The following ZNF670 variants were observed in gnomAD, a reference collection of about 807,000 sequenced individuals.
The protein encoded by ZNF670 is zinc finger protein 670.
Under a neutral mutation model 10.9 loss-of-function variants are expected in ZNF670, and 7 were observed. That is an observed-to-expected ratio of 0.64 (90% CI 0.36 to 1.20). The LOEUF is 1.20. Ranked by LOEUF, ZNF670 falls within the 50% of genes most tolerant of loss-of-function variation. The pLI, the probability that ZNF670 is intolerant of heterozygous loss-of-function variation, is 0.02. For synonymous variants in ZNF670, 136 were observed against 152.7 expected (o/e 0.89, Z 0.81); for missense variants, 446 against 458.6 (o/e 0.97, Z 0.25).
chr1:247,060,533 G>C (rs1670833817), intron 1 of ZNF670, among the ~76,000 whole-genome samples: 2 of 152,158 alleles, frequency 1.3e-5, no homozygotes, highest in South Asian at 4.1e-4. Flanking sequence ...AGAAACTGAG[G>C]GTAATCTTTG....
chr1:247,037,077 G>T lies in ZNF670; in HGVS notation c.*372C>A, dbSNP rs1191805998. On this transcript the variant is annotated 3_prime_UTR_variant, in exon 4 of 4. Coordinates refer to ENST00000366503, the MANE Select transcript of ZNF670 (RefSeq NM_033213.5). ...TGAGAAACAAAACACAGCCTATTAA[G>T]CTCATGTACTATGGCTTATAAAGTA... The T allele has an allele frequency of 5.8e-6, 1 of 172,874 alleles. No individual in the cohort carries two copies. Among genetic ancestry groups the T allele is most frequent in the African/African-American group, 2.4e-5 (1 of 42,078 alleles). 10.7% of individuals were successfully genotyped at this position (172,874 alleles called of 1,614,324 possible).
At chr1:247,044,873 AC>A (rs750019800) in intron 1 of ZNF670, among the ~76,000 whole-genome samples, 72 of 152,190 alleles carry the variant, frequency 4.7e-4, no homozygotes, top group Non-Finnish European at 8.7e-4. Flanking sequence ...TATCTATGTG[AC>A]AAAATCATTT....
chr1:247,053,551 G>C (rs1670646713), intron 1 of ZNF670, among the ~76,000 whole-genome samples: 1 of 152,172 alleles, frequency 6.6e-6, no homozygotes, highest in African/African-American at 2.4e-5. Context: ...CAGGAGAATG[G>C]CGTGAACCCG....
chr1:247,058,252 G>A (rs1235798464), intron 1 of ZNF670, among the ~76,000 whole-genome samples: 1 of 152,082 alleles, frequency 6.6e-6, no homozygotes, highest in Non-Finnish European at 1.5e-5. Flanking sequence ...CCAAATAATT[G>A]AAGATTAAAC....
At chr1:247,049,693 A>G (rs1670546713) in intron 1 of ZNF670, among the ~76,000 whole-genome samples, 1 of 152,210 alleles carries the variant, frequency 6.6e-6, no homozygotes, top group South Asian at 2.1e-4. Context: ...CCTTTGCTGT[A>G]TCTCAGAGGT....
intron 1 of ZNF670, among the ~76,000 whole-genome samples, chr1:247,044,600 T>G (rs1214416103): frequency 6.6e-6 from 1 of 152,190 alleles, no homozygotes; most frequent in African/African-American, 2.4e-5. Context: ...AAGTGGTACA[T>G]ATACACCATG....
chr1:247,067,841 C>CA (rs61211824), intron 1 of ZNF670, among the ~76,000 whole-genome samples: 25,887 of 83,562 alleles, frequency 0.31, 7,054 homozygotes, highest in East Asian at 0.86. Flanking sequence ...GACTCCGTCT[C>CA]AAAAAAAAAA....
intron 1 of ZNF670, among the ~76,000 whole-genome samples, chr1:247,057,162 T>G (rs1670739526): frequency 6.6e-6 from 1 of 152,156 alleles, no homozygotes; most frequent in African/African-American, 2.4e-5. Flanking sequence ...AAAAAAATTC[T>G]AATAATCTCA....
At position 247,043,737 on chromosome 1, in the gene ZNF670, C is replaced by T. The variant is rs899090633; in HGVS notation, c.4-4200G>A. The T allele has an allele frequency of 2.1e-5, 9 of 422,394 alleles. No homozygotes were observed. The East Asian group carries it at 2.9e-4, about 13-fold the overall frequency. The allele number at this position is 422,394 out of a possible 1,614,324, so 26.2% of individuals were successfully genotyped here. On this transcript the variant is annotated intron_variant, in intron 1 of 3. Transcript: ENST00000366503. ...ATCATTTACCGCAGAGCCCTTTTAG[C>T]GTTCATCCTAAAACAGGTCGCATTT...
chr1:247,075,159 TAATA>T (rs1243677583), intron 1 of ZNF670, among the ~76,000 whole-genome samples: 1 of 152,228 alleles, frequency 6.6e-6, no homozygotes, highest in Non-Finnish European at 1.5e-5. Flanking sequence ...CCCTATCATA[TAATA>T]AATATGTCAT....
intron 1 of ZNF670, among the ~76,000 whole-genome samples, chr1:247,063,507 C>T (rs1331837832): frequency 6.7e-6 from 1 of 148,922 alleles, no homozygotes; most frequent in Non-Finnish European, 1.5e-5. Context: ...GGCGTGAACC[C>T]AGGAGGCGGA....
intron 1 of ZNF670, among the ~76,000 whole-genome samples, chr1:247,058,197 G>A (rs1219145243): frequency 1.3e-5 from 2 of 151,868 alleles, no homozygotes; most frequent in African/African-American, 4.8e-5. Context: ...GAACATAATT[G>A]GAATTAAACT....
rs1198008506 is a variant in ZNF670, at chr1:247,034,833, T to C, written c.*2616A>G. On this transcript the variant is annotated 3_prime_UTR_variant, in exon 4 of 4. Transcript: ENST00000366503. ...ACGAGATGCAGTTACCACAGAGCAG[T>C]AGTCTGACTTTTGATAATCAGGAAT... Among the ~76,000 whole-genome samples the C allele has an allele frequency of 6.6e-6, 1 of 152,136 alleles. No homozygotes were observed. Among genetic ancestry groups the C allele is most frequent in the Non-Finnish European group, 1.5e-5 (1 of 68,022 alleles).
In ZNF670 at chr1:247,048,075, T is replaced by C. The variant is rs568160424; in HGVS notation, c.4-8538A>G. On this transcript the variant is annotated intron_variant, in intron 1 of 3. Transcript: ENST00000366503. ...CTCAGAAAATGGGTTTTCTTTTCTATCACATCATCAGGCTGAAAATTTTCC... is the reference window on the plus strand; with the variant it reads ...CTCAGAAAATGGGTTTTCTTTTCTACCACATCATCAGGCTGAAAATTTTCC... Among the ~76,000 whole-genome samples, 127 of 152,344 alleles carry C rather than the reference T, an allele frequency of 8.3e-4. No homozygotes were observed. The Middle Eastern group carries it at 0.01, about 12-fold the overall frequency.
chr1:247,075,589 C>T (rs755011238), intron 1 of ZNF670, among the ~76,000 whole-genome samples: 27 of 152,116 alleles, frequency 1.8e-4, no homozygotes, highest in African/African-American at 5.8e-4. Flanking sequence ...ATAGCGAATA[C>T]GTTTCATGAG....
Position 247,038,268 on chromosome 1 carries a change from G to A in ZNF670, c.351C>T (p.Ala117=). ...VCGKVFICHS[A]LHRHILSHIG... is the part of the protein sequence containing the mutation. ...TGTGAGACAGGATGTGCCTATGAAGGGCTGAATGACATATGAAGACTTTTC... is the reference window on the plus strand; with the variant it reads ...TGTGAGACAGGATGTGCCTATGAAGAGCTGAATGACATATGAAGACTTTTC... Residue 117 remains alanine (A), a synonymous_variant, in exon 4 of 4, where the codon GCC becomes GCT. Coordinates refer to ENST00000366503, the MANE Select transcript of ZNF670 (RefSeq NM_033213.5). The A allele has an allele frequency of 6.2e-7, 1 of 1,614,102 alleles. No individual in the cohort carries two copies.
At chr1:247,076,379 C>T (rs1049751894) in intron 1 of ZNF670, among the ~76,000 whole-genome samples, 2 of 151,868 alleles carry the variant, frequency 1.3e-5, no homozygotes, top group Admixed American at 1.3e-4. Context: ...GCCTCAGCCT[C>T]CTGAGTAGCT....
At chr1:247,055,629 T>C (rs1426608594) in intron 1 of ZNF670, among the ~76,000 whole-genome samples, 5 of 152,292 alleles carry the variant, frequency 3.3e-5, no homozygotes, top group South Asian at 2.1e-4. Flanking sequence ...TTGTGGTGCA[T>C]TGGTGAGACT....
rs577626405 is a variant in ZNF670 at position 247,060,910 on chromosome 1, A to C, written c.3+17684T>G. On this transcript the variant is annotated intron_variant, in intron 1 of 3. Coordinates refer to ENST00000366503, the MANE Select transcript of ZNF670 (RefSeq NM_033213.5). The stretch of plus-strand genomic sequence containing the variant: ...GGCGTGCAGTGTGAAGGTTTCTTCC[A>C]AGTATTCATCTGGTTGTCATTATGT... 2.0e-5 allele frequency among the ~76,000 whole-genome samples: 3 copies of C among 152,322 alleles called. 1 individual carries two copies. The South Asian group carries it at 6.2e-4, about 32-fold the overall frequency.
Sources: allele counts gnomAD v4.1 joint callset (sites outside exome capture counted in the v4.1 genomes callset), GRCh38; gene constraint gnomAD v4.1.1; transcripts MANE v1.5; gene names NCBI Gene and HGNC (gene_info 2026-07-23, HGNC 2026-07-21).